Variants in FN1 observed in about 807,000 individuals in gnomAD.
The protein encoded by FN1 is fibronectin 1.
FN1 carries 106 observed loss-of-function variants against 297.3 expected under a neutral mutation model. The observed-to-expected ratio is 0.36, with a 90% CI of 0.30 to 0.42. The LOEUF is 0.42. FN1 is among the 10% of genes least tolerant of loss of function. FN1 has a pLI of 1.00. For missense variants in FN1, 2,690 were observed against 3,124.9 expected, an observed-to-expected ratio of 0.86 and a Z score of 3.32; for synonymous variants, 1,149 against 1,152.6, an observed-to-expected ratio of 1.00 and a Z score of 0.06.
At chr2:215,423,689 T>A (rs1291642699) in intron 8 of FN1, among the ~76,000 whole-genome samples, 163 bp from the exon 9 acceptor site, 1 of 152,202 alleles carries the variant, frequency 6.6e-6, no homozygotes, top group Non-Finnish European at 1.5e-5. Flanking sequence ...CTTCTTAGCA[T>A]ATTTACCTTC....
intron 35 of FN1, among the ~76,000 whole-genome samples, 158 bp downstream of exon 35, chr2:215,378,017 G>A (rs954188272): frequency 3.3e-5 from 5 of 151,674 alleles, no homozygotes; most frequent in South Asian, 2.1e-4. Flanking sequence ...CTATTTGCCC[G>A]GGTAGGTCTC....
At chr2:215,427,611 ATAATTGTGTGTTACTTTAT>A (rs1347367135) in intron 6 of FN1, among the ~76,000 whole-genome samples, 30 of 152,224 alleles carry the variant, frequency 2.0e-4, no homozygotes, top group Non-Finnish European at 4.3e-4. Context: ...CATGAAGGAA[ATAATTGTGTGTTACTTTAT>A]AGAATGTAAC....
chr2:215,425,083 A>C lies in FN1; in HGVS notation c.1036+11T>G. On this transcript the variant is annotated intron_variant, in intron 7 of 45. Transcript: ENST00000354785. ...GTCATCAGTCCTATTCTTCAAAAAG[A>C]TAATGCATACCTGTCTCTTGGCAGC... 6.2e-7 allele frequency: 1 copy of C among 1,612,984 alleles called. No individual in the cohort carries two copies.
At chr2:215,402,506 G>A (rs2061283933) in intron 20 of FN1, among the ~76,000 whole-genome samples, 1 of 152,128 alleles carries the variant, frequency 6.6e-6, no homozygotes, top group Non-Finnish European at 1.5e-5. Context: ...GTTACTCCCA[G>A]AATTCAGCTT....
chr2:215,433,516 T>A lies in FN1; in HGVS notation c.278-55A>T, dbSNP rs1052363064. Reference sequence around the variant, plus strand: ...CTCACTTAGGTACAAGCTTTTCTAGTTCACTAATCCCCTCTAAAGGAAAAC... The same window carrying A: ...CTCACTTAGGTACAAGCTTTTCTAGATCACTAATCCCCTCTAAAGGAAAAC... On this transcript the variant is annotated intron_variant, in intron 2 of 45. Transcript: ENST00000354785. 13 of 1,563,996 alleles carry A rather than the reference T, an allele frequency of 8.3e-6. 1 individual carries two copies. The highest frequency in any genetic ancestry group is 5.4e-5 in the African/African-American group (4 of 73,780).
At position 215,401,236 on chromosome 2, in the gene FN1, AAGAAAGAAAGAAAGG is replaced by A. The variant is rs879468482; in HGVS notation, c.3254-1900_3254-1886del. On this transcript the variant is annotated intron_variant, in intron 20 of 45. Coordinates refer to ENST00000354785, the MANE Select transcript of FN1 (RefSeq NM_212482.4). The stretch of plus-strand genomic sequence containing the variant: ...AAAGAAAGAAAGAAAGAAAGAAAGA[AAGAAAGAAAGAAAGG>A]AAGAAAGAAAGGAAGGAAAGGAAAG... Among the ~76,000 whole-genome samples the A allele has an allele frequency of 6.0e-4, 40 of 67,120 alleles. 1 individual carries two copies. The highest frequency in any genetic ancestry group is 9.6e-4 in the African/African-American group (16 of 16,710). The allele number at this position is 67,120 out of a possible 152,430, so 44.0% of individuals were successfully genotyped here.
chr2:215,387,192 T>C (rs2059135730), intron 27 of FN1, among the ~76,000 whole-genome samples: 1 of 152,198 alleles, frequency 6.6e-6, no homozygotes, highest in Non-Finnish European at 1.5e-5. Context: ...ATTCATTTTT[T>C]TCTTGTGCTA....
chr2:215,385,569 A>AG (rs2058842654), intron 28 of FN1, among the ~76,000 whole-genome samples: 1 of 41,326 alleles, frequency 2.4e-5, no homozygotes, highest in Non-Finnish European at 6.4e-5. Context: ...TTCAGGAAGA[A>AG]AAAAAAAAAA....
intron 6 of FN1, among the ~76,000 whole-genome samples, chr2:215,426,150 T>C (rs1159572487): frequency 1.6e-4 from 13 of 80,680 alleles, no homozygotes; most frequent in East Asian, 8.8e-4. Context: ...TTTCTTTTTT[T>C]TTTTTTTTTT....
intron 25 of FN1, chr2:215,392,592 C>A (rs185661025): frequency 6.1e-5 from 21 of 346,960 alleles, no homozygotes; most frequent in East Asian, 2.1e-4. Flanking sequence ...TTGGTACTTA[C>A]GCAATTTGGT....
rs1250246 is a variant in FN1, at chr2:215,434,558, A to C, written c.277+138T>G. On this transcript the variant is annotated intron_variant, in intron 2 of 45. Transcript: ENST00000354785. ...AAGCATGTGAAAAGCAAATATAAGC[A>C]GTTTTTAAACTTAAGAGGAAATGAC... is the stretch of plus-strand genomic sequence containing the variant. 0.5 allele frequency: 503,988 copies of C among 1,014,390 alleles called. 132,033 individuals carry two copies. The highest frequency in any genetic ancestry group is 0.94 in the East Asian group (38,206 of 40,816). The allele number at this position is 1,014,390 out of a possible 1,614,324, so 62.8% of individuals were successfully genotyped here. A position where few individuals can be genotyped will look rare whatever the true frequency, so the allele number is the denominator to read the frequency against.
intron 40 of FN1, among the ~76,000 whole-genome samples, chr2:215,371,252 A>G (rs1192314213): frequency 6.7e-6 from 1 of 150,050 alleles, no homozygotes; most frequent in Non-Finnish European, 1.5e-5. Flanking sequence ...AGGGCCATAG[A>G]GCAAGACTCC....
intron 21 of FN1, among the ~76,000 whole-genome samples, chr2:215,398,286 G>A (rs183719164): frequency 1.3e-3 from 197 of 152,320 alleles, no homozygotes; most frequent in African/African-American, 4.2e-3. Context: ...TGTAGCAACT[G>A]TATTGCAAAA....
intron 33 of FN1, chr2:215,379,934 A>G (rs1466090973): frequency 6.5e-6 from 1 of 153,272 alleles, no homozygotes; most frequent in Non-Finnish European, 1.5e-5. Context: ...GGCCTCAATC[A>G]GTGCTCCCGG....
chr2:215,410,007 G>A lies in FN1; in HGVS notation c.2049C>T (p.Ser683=), dbSNP rs1440335159. ...CTTCTTGGTGGCCGTACTGCTGGAT[G>A]CTGATGAGCTGGCCCTCGTATACCA... is the stretch of plus-strand genomic sequence containing the variant. The part of the protein sequence containing the change: ...PGVVYEGQLI[S]IQQYGHQEVT... Residue 683 remains serine (S), a synonymous_variant, in exon 14 of 46, where the codon AGC becomes AGT. Transcript: ENST00000354785. The A allele has an allele frequency of 6.2e-7, 1 of 1,613,964 alleles. No individual in the cohort carries two copies. Among genetic ancestry groups the A allele is most frequent in the African/African-American group, 1.3e-5 (1 of 74,894 alleles).
chr2:215,390,927 G>A (rs532789338), intron 26 of FN1, among the ~76,000 whole-genome samples: 1 of 152,292 alleles, frequency 6.6e-6, no homozygotes, highest in Admixed American at 6.5e-5. Context: ...GACTATTACA[G>A]TGAAAATAAT....
At chr2:215,412,510 C>T (rs1260352893) in intron 13 of FN1, among the ~76,000 whole-genome samples, 1 of 152,084 alleles carries the variant, frequency 6.6e-6, no homozygotes, top group Non-Finnish European at 1.5e-5. Flanking sequence ...CATCTTGGCT[C>T]ACTGCAACTT....
rs752741498 is a variant in FN1 at position 215,372,347 on chromosome 2, T to C, written c.6276A>G (p.Pro2092=). The C allele has an allele frequency of 6.2e-7, 1 of 1,614,070 alleles. No individual in the cohort carries two copies. Among genetic ancestry groups the C allele is most frequent in the Non-Finnish European group, 8.5e-7 (1 of 1,180,008 alleles). ...TDELPQLVTL[P]HPNLHGPEIL... ...TCTCTGGTCCATGAAGATTGGGGTGTGGAAGGGTTACCAGTTGGGGAAGCT... is the reference window on the plus strand; with the variant it reads ...TCTCTGGTCCATGAAGATTGGGGTGCGGAAGGGTTACCAGTTGGGGAAGCT... The change falls in exon 40 of 46, where the codon CCA becomes CCG. Residue 2092 remains proline (P), a synonymous_variant. Coordinates refer to ENST00000354785, the MANE Select transcript of FN1 (RefSeq NM_212482.4).
At chr2:215,435,234 C>T (rs1310375765) in intron 1 of FN1, among the ~76,000 whole-genome samples, 1 of 152,088 alleles carries the variant, frequency 6.6e-6, no homozygotes, top group Non-Finnish European at 1.5e-5. Flanking sequence ...AACAAGACAG[C>T]TATTTCAATA....
Sources: allele counts gnomAD v4.1 joint callset (sites outside exome capture counted in the v4.1 genomes callset), GRCh38; gene constraint gnomAD v4.1.1; transcripts MANE v1.5; gene names NCBI Gene and HGNC (gene_info 2026-07-23, HGNC 2026-07-21).